Variants in HYDIN observed in about 807,000 individuals in gnomAD.
The protein encoded by HYDIN is axonemal central pair apparatus protein HYDIN.
In HYDIN, 132 loss-of-function variants were observed where a neutral mutation model predicts 403.9. The observed-to-expected ratio is 0.33, with a 90% CI of 0.28 to 0.38. HYDIN has a LOEUF of 0.38. HYDIN is among the 10% of genes least tolerant of loss of function. The pLI, the probability that HYDIN is intolerant of heterozygous loss-of-function variation, is 1.00. For synonymous variants in HYDIN, 1,202 were observed against 1,891.7 expected, an observed-to-expected ratio of 0.64 and a Z score of 9.46; for missense variants, 2,827 against 5,009.5, an observed-to-expected ratio of 0.56 and a Z score of 13.15.
intron 38 of HYDIN, among the ~76,000 whole-genome samples, chr16:70,960,741 C>T: frequency 6.8e-6 from 1 of 146,644 alleles, no homozygotes. Flanking sequence ...TGCCAGGCTA[C>T]AGTGCAATGG....
intron 23 of HYDIN, among the ~76,000 whole-genome samples, chr16:71,017,012 G>A (rs113141046): frequency 0.01 from 1,477 of 142,506 alleles, no homozygotes; most frequent in African/African-American, 0.043. Flanking sequence ...TCTCGTGATT[G>A]TGAGTGAGTT....
chr16:71,103,973 T>C (rs2083535436), intron 10 of HYDIN, among the ~76,000 whole-genome samples: 2 of 152,194 alleles, frequency 1.3e-5, no homozygotes, highest in East Asian at 1.9e-4. Flanking sequence ...TTTCAGTATA[T>C]GGGTCTTGTA....
At position 71,185,968 on chromosome 16, in the gene HYDIN, T is replaced by G. The variant is rs150395193; in HGVS notation, c.135+793A>C. Among the ~76,000 whole-genome samples the G allele has an allele frequency of 3.3e-5, 5 of 152,312 alleles. No homozygotes were observed. The East Asian group carries it at 9.6e-4, about 29-fold the overall frequency. On this transcript the variant is annotated intron_variant, in intron 2 of 85. Transcript: ENST00000393567. ...GTATATTTCTAATACAGCTTTCAAC[T>G]TGGTTAAGATCTTTTTGATTGGAAC... is the stretch of plus-strand genomic sequence containing the variant.
intron 79 of HYDIN, 40 bp downstream of exon 79, chr16:70,833,847 C>G (rs1274271734): frequency 2.0e-6 from 3 of 1,528,304 alleles, no homozygotes; most frequent in Non-Finnish European, 2.7e-6. Context: ...GGACAGCAGC[C>G]TCTGGGGCAG....
intron 5 of HYDIN, among the ~76,000 whole-genome samples, chr16:71,174,781 CT>C (rs1223947703): frequency 6.6e-6 from 1 of 152,184 alleles, no homozygotes; most frequent in African/African-American, 2.4e-5. Flanking sequence ...TCCTTTTTGA[CT>C]GCAGGCTCTT....
At chr16:70,892,602 G>C in intron 55 of HYDIN, 73 bp from the exon 56 acceptor site, 4 of 1,521,824 alleles carry the variant, frequency 2.6e-6, no homozygotes, top group Non-Finnish European at 3.5e-6. Context: ...GGAGACTCTA[G>C]ATGGTTGAGT....
intron 57 of HYDIN, among the ~76,000 whole-genome samples, chr16:70,890,518 AT>A (rs2041405843): frequency 6.6e-6 from 1 of 152,358 alleles, no homozygotes; most frequent in African/African-American, 2.4e-5. Context: ...AAATGTTCAA[AT>A]TTTGTCAAAA....
intron 73 of HYDIN, 46 bp from the exon 74 acceptor site, chr16:70,850,701 T>G: frequency 7.6e-7 from 1 of 1,312,756 alleles, no homozygotes; most frequent in Non-Finnish European, 1.1e-6. Flanking sequence ...GGCCAACTTG[T>G]CAAAACCTTA....
rs1203571574 is a variant in HYDIN at position 70,807,997 on chromosome 16, A to G, written c.14949T>C (p.Thr4983=). Reference sequence around the variant, plus strand: ...CGAATAAGACTTCCACACTGGCTTCAGTGCCTCCCTGGCCTCCTGGGGCTG... The same window carrying G: ...CGAATAAGACTTCCACACTGGCTTCGGTGCCTCCCTGGCCTCCTGGGGCTG... ...INAAPGGQGG[T]EASVEVLFEP... Residue 4983 remains threonine (T), a synonymous_variant, in exon 86 of 86, where the codon ACT becomes ACC. Transcript: ENST00000393567. 1.2e-6 allele frequency: 2 copies of G among 1,614,104 alleles called. No homozygotes were observed. The highest frequency in any genetic ancestry group is 2.2e-5 in the South Asian group (2 of 91,080).
At chr16:71,163,213 C>A (rs1427902949) in intron 5 of HYDIN, among the ~76,000 whole-genome samples, 1 of 151,196 alleles carries the variant, frequency 6.6e-6, no homozygotes, top group African/African-American at 2.4e-5. Context: ...AGCTCCGCCT[C>A]CCGGGTTCAC....
At chr16:71,228,377 C>A (rs889515105) in intron 1 of HYDIN, among the ~76,000 whole-genome samples, 1 of 152,112 alleles carries the variant, frequency 6.6e-6, no homozygotes, top group Non-Finnish European at 1.5e-5. Flanking sequence ...AACAGGCAAC[C>A]TACAGAATGG....
At chr16:71,113,521 A>G (rs1045431194) in intron 10 of HYDIN, 1 of 152,022 alleles carries the variant, frequency 6.6e-6, no homozygotes, top group African/African-American at 2.4e-5. Context: ...TCTGCACCCA[A>G]TTACCATGTC....
At position 71,184,889 on chromosome 16, in the gene HYDIN, A is replaced by G. The variant is rs749105478; in HGVS notation, c.237T>C (p.Asp79=). ...MCRPQIIELL[D]MGETTHQKFS... ...CCTTCTGATGTGTTGTTTCCCCCAT[A>G]TCTAAGAGTTCGATGATCTGTGGTC... Residue 79 remains aspartate, a synonymous_variant, in exon 3 of 86, where the codon GAT becomes GAC. Coordinates refer to ENST00000393567, the MANE Select transcript of HYDIN (RefSeq NM_001270974.2). 7.8e-5 allele frequency: 125 copies of G among 1,608,488 alleles called. 1 individual carries two copies. In the South Asian group the frequency reaches 1.4e-3, roughly 18 times the overall value.
chr16:70,863,082 T>A lies in HYDIN; in HGVS notation c.11569+3A>T. ...CCTGGGTTTTACTTGCCACTGAATT[T>A]ACCTTGGTGATCTGGTTTTGCAAAG... On this transcript the variant is annotated splice_donor_region_variant and intron_variant, in intron 68 of 85. Coordinates refer to ENST00000393567, the MANE Select transcript of HYDIN (RefSeq NM_001270974.2). 1 of 1,614,026 alleles carries A rather than the reference T, an allele frequency of 6.2e-7. No individual in the cohort carries two copies. Among genetic ancestry groups the A allele is most frequent in the Non-Finnish European group, 8.5e-7 (1 of 1,179,906 alleles).
intron 45 of HYDIN, among the ~76,000 whole-genome samples, chr16:70,921,534 C>T (rs1250755255): frequency 8.5e-5 from 13 of 152,252 alleles, no homozygotes; most frequent in African/African-American, 2.6e-4. Context: ...AAAAGACTAG[C>T]AGATGCAAGC....
At chr16:71,049,113 T>C (rs1215355451) in intron 18 of HYDIN, among the ~76,000 whole-genome samples, 1 of 152,266 alleles carries the variant, frequency 6.6e-6, no homozygotes, top group African/African-American at 2.4e-5. Flanking sequence ...GGGCCACAAG[T>C]AGAACAGAAA....
intron 12 of HYDIN, among the ~76,000 whole-genome samples, chr16:71,081,898 T>C (rs1159595965): frequency 7.7e-6 from 1 of 129,152 alleles, no homozygotes; most frequent in African/African-American, 3.5e-5. Context: ...TACATAAAAA[T>C]AGGAGGGAAG....
At chr16:71,135,246 A>C (rs1721857766) in intron 8 of HYDIN, among the ~76,000 whole-genome samples, 1 of 152,200 alleles carries the variant, frequency 6.6e-6, no homozygotes. Context: ...ATGCAAGAGA[A>C]AGGGAAGAAT....
At chr16:71,039,602 T>A (rs2081214517) in intron 18 of HYDIN, among the ~76,000 whole-genome samples, 1 of 152,092 alleles carries the variant, frequency 6.6e-6, no homozygotes, top group Non-Finnish European at 1.5e-5. Flanking sequence ...GGCAGCTGGA[T>A]GTTGGGGATT....
Sources: allele counts gnomAD v4.1 joint callset (sites outside exome capture counted in the v4.1 genomes callset), GRCh38; gene constraint gnomAD v4.1.1; transcripts MANE v1.5; gene names NCBI Gene and HGNC (gene_info 2026-07-23, HGNC 2026-07-21).